Variants in BLTP1 observed in about 807,000 individuals in gnomAD.
BLTP1 encodes the protein bridge-like lipid transfer protein family member 1.
At chr4:122,187,133 T>C in the BLTP1 span, 9 of 984,460 alleles carry the variant, frequency 9.1e-6, no homozygotes, top group Non-Finnish European at 1.1e-5. Flanking sequence ...AAATGGTAGA[T>C]GTAATGACAG....
At chr4:122,184,865 C>T in the BLTP1 span, 5 of 982,766 alleles carry the variant, frequency 5.1e-6, no homozygotes, top group African/African-American at 7.0e-5. Context: ...AACAGCTGCT[C>T]TAGCTGTTGG....
At chr4:122,325,989 T>C in the BLTP1 span, 16 of 409,344 alleles carry the variant, frequency 3.9e-5, no homozygotes, top group Middle Eastern at 7.8e-4. Context: ...TTTCAAAATA[T>C]CTTCCTCTCA....
At chr4:122,305,097 TAA>T in the BLTP1 span, 26 of 1,283,198 alleles carry the variant, frequency 2.0e-5, no homozygotes, top group African/African-American at 3.0e-4. Context: ...TTTAATTTCC[TAA>T]AGTTTCTGAT....
At chr4:122,263,603 ATTGAG>A in the BLTP1 span, 1 of 1,579,614 alleles carries the variant, frequency 6.3e-7, no homozygotes. Flanking sequence ...TCCCACAGGT[ATTGAG>A]TTATCACATT....
the BLTP1 span, among the ~76,000 whole-genome samples, chr4:122,273,852 A>G: frequency 6.6e-6 from 1 of 152,196 alleles, no homozygotes; most frequent in African/African-American, 2.4e-5. Context: ...ATTTATTAAT[A>G]TGAACAATAA....
the BLTP1 span, chr4:122,299,109 T>C: frequency 1.0e-6 from 1 of 985,020 alleles, no homozygotes; most frequent in Non-Finnish European, 1.2e-6. Flanking sequence ...GAAATTGCTG[T>C]GTAGATAAAT....
the BLTP1 span, chr4:122,167,867 G>A: frequency 1.0e-6 from 1 of 985,390 alleles, no homozygotes; most frequent in Non-Finnish European, 1.2e-6. Context: ...TAGAGGAAGA[G>A]GAAACAACCA....
chr4:122,204,652 C>T, the BLTP1 span: 7 of 826,654 alleles, frequency 8.5e-6, no homozygotes, highest in Non-Finnish European at 1.0e-5. Context: ...ACCAAAAATG[C>T]TGAACTATGA....
the BLTP1 span, among the ~76,000 whole-genome samples, chr4:122,332,816 T>G: frequency 3.6e-5 from 4 of 110,940 alleles, no homozygotes; most frequent in African/African-American, 1.1e-4. Flanking sequence ...GAGTGTGATA[T>G]TCCCCTTCCT....
At chr4:122,307,868 G>C in the BLTP1 span, 1 of 1,532,382 alleles carries the variant, frequency 6.5e-7, no homozygotes, top group Non-Finnish European at 8.7e-7. Context: ...ACAGGATTTT[G>C]CAGCTTTTGA....
chr4:122,201,671 T>C, the BLTP1 span, among the ~76,000 whole-genome samples: 2 of 152,192 alleles, frequency 1.3e-5, no homozygotes, highest in Admixed American at 1.3e-4. Context: ...ATATTGTTGG[T>C]CTATGAATAG....
At chr4:122,241,738 C>G in the BLTP1 span, among the ~76,000 whole-genome samples, 1 of 152,178 alleles carries the variant, frequency 6.6e-6, no homozygotes, top group Non-Finnish European at 1.5e-5. Context: ...GCTAAGATTT[C>G]AAAATGTCCT....
the BLTP1 span, chr4:122,246,306 T>C: frequency 6.4e-7 from 1 of 1,555,016 alleles, no homozygotes. Context: ...AAGGTAACAA[T>C]TTAATATTTA....
At chr4:122,259,001 T>C in the BLTP1 span, among the ~76,000 whole-genome samples, 1,059 of 152,328 alleles carry the variant, frequency 7.0e-3, 12 homozygotes, top group African/African-American at 0.025. Flanking sequence ...AATATTTCTT[T>C]GAAAATTGTA....
At chr4:122,287,835 A>C in the BLTP1 span, 1 of 406,494 alleles carries the variant, frequency 2.5e-6, no homozygotes, top group Non-Finnish European at 3.3e-6. Flanking sequence ...AAAATATTTT[A>C]AAGTGTATCC....
At chr4:122,289,697 A>G in the BLTP1 span, 4 of 954,580 alleles carry the variant, frequency 4.2e-6, no homozygotes, top group Non-Finnish European at 5.0e-6. Context: ...AGTTGACTGT[A>G]TAACAGTTCT....
the BLTP1 span, chr4:122,270,365 G>A: frequency 1.0e-6 from 1 of 984,008 alleles, no homozygotes; most frequent in African/African-American, 1.7e-5. Context: ...CAGTTTTGGT[G>A]CTTGGGGCTT....
At chr4:122,324,466 C>T in the BLTP1 span, 2 of 1,610,816 alleles carry the variant, frequency 1.2e-6, no homozygotes, top group Non-Finnish European at 1.7e-6. Context: ...GAGTTACAAA[C>T]CAAGTTACAG....
At chr4:122,205,924 T>A in the BLTP1 span, 2 of 984,146 alleles carry the variant, frequency 2.0e-6, no homozygotes, top group Non-Finnish European at 2.4e-6. Flanking sequence ...GCTGGGAGTG[T>A]ACAATGCATG....
Sources: allele counts gnomAD v4.1 joint callset (sites outside exome capture counted in the v4.1 genomes callset), GRCh38; gene constraint gnomAD v4.1.1; transcripts MANE v1.5; gene names NCBI Gene and HGNC (gene_info 2026-07-23, HGNC 2026-07-21).